The following PTPRQ variants were observed in gnomAD, a reference collection of about 807,000 sequenced individuals.
The protein encoded by PTPRQ is protein tyrosine phosphatase receptor type Q, also known as phosphatidylinositol phosphatase PTPRQ.
A neutral mutation model predicts 246.0 loss-of-function variants in PTPRQ; 199 were observed. That is an observed-to-expected ratio of 0.81 (90% CI 0.72 to 0.91). PTPRQ has a LOEUF of 0.91. Among genes scored for constraint, PTPRQ ranks in the 40% least tolerant of loss-of-function variants. PTPRQ has a pLI of 0.00. For synonymous variants in PTPRQ, 869 were observed against 853.2 expected (o/e 1.02, Z -0.32); for missense variants, 2,624 against 2,528.4 (o/e 1.04, Z -0.81).
intron 25 of PTPRQ, among the ~76,000 whole-genome samples, chr12:80,562,927 A>G (rs1207904789): frequency 6.6e-6 from 1 of 152,108 alleles, no homozygotes; most frequent in Non-Finnish European, 1.5e-5. Flanking sequence ...AAGTGCAGAC[A>G]CTGCAGACAT....
chr12:80,449,055 A>G (rs950281364), intron 3 of PTPRQ, among the ~76,000 whole-genome samples: 1 of 151,666 alleles, frequency 6.6e-6, no homozygotes, highest in Non-Finnish European at 1.5e-5. Flanking sequence ...TGACTTTTTA[A>G]TGATTGCCAT....
At chr12:80,530,823 G>GA (rs1565767987) in intron 17 of PTPRQ, among the ~76,000 whole-genome samples, 1 of 152,020 alleles carries the variant, frequency 6.6e-6, no homozygotes, top group Admixed American at 6.6e-5. Context: ...CTTAAAATTT[G>GA]ATACAGTAAT....
chr12:80,585,200 C>T (rs932311351), intron 25 of PTPRQ, among the ~76,000 whole-genome samples: 1 of 151,968 alleles, frequency 6.6e-6, no homozygotes, highest in Non-Finnish European at 1.5e-5. Context: ...CCAAAGCTTA[C>T]CCCTCTTACG....
chr12:80,620,057 A>G (rs1333555810), intron 31 of PTPRQ, 97 bp from the exon 32 acceptor site: 2 of 1,385,532 alleles, frequency 1.4e-6, no homozygotes, highest in Non-Finnish European at 1.9e-6. Flanking sequence ...TGTTGCATCG[A>G]GAGTCCCCTT....
At position 80,642,919 on chromosome 12, in the gene PTPRQ, TAAAAAAAAAAAAA is replaced by T. The variant is rs902888826; in HGVS notation, c.5916-5963_5916-5951del. ...TGGGCGACAGAGCGAGACTCCGTCT[TAAAAAAAAAAAAA>T]AAAAAAAAAAAAAACAATTGAGTAT... is the stretch of plus-strand genomic sequence containing the variant. On this transcript the variant is annotated intron_variant, in intron 35 of 44. Transcript: ENST00000644991. Among the ~76,000 whole-genome samples the T allele has an allele frequency of 1.0e-4, 8 of 77,246 alleles. No homozygotes were observed. In the South Asian group the frequency reaches 3.7e-3, roughly 36 times the overall value. The allele number at this position is 77,246 out of a possible 152,430, so 50.7% of individuals were successfully genotyped here. A position where few individuals can be genotyped will look rare whatever the true frequency, so the allele number is the denominator to read the frequency against.
intron 29 of PTPRQ, 117 bp from the exon 30 acceptor site, chr12:80,616,079 TTATA>T (rs3994957): frequency 1.7e-4 from 80 of 474,966 alleles, no homozygotes; most frequent in Middle Eastern, 8.7e-4. Context: ...ATAATCAGTT[TTATA>T]TATATATATA....
chr12:80,624,892 G>A (rs578041896), intron 33 of PTPRQ, among the ~76,000 whole-genome samples: 1 of 152,124 alleles, frequency 6.6e-6, no homozygotes, highest in South Asian at 2.1e-4. Context: ...AATAGCCGAT[G>A]AACCAAAAAA....
chr12:80,627,820 G>T (rs1899263640), intron 33 of PTPRQ, among the ~76,000 whole-genome samples: 1 of 152,076 alleles, frequency 6.6e-6, no homozygotes, highest in South Asian at 2.1e-4. Context: ...TTGGAGAAGT[G>T]ACATCATTCT....
chr12:80,624,963 C>T (rs1333584549), intron 33 of PTPRQ, among the ~76,000 whole-genome samples: 3 of 152,116 alleles, frequency 2.0e-5, no homozygotes, highest in Non-Finnish European at 4.4e-5. Context: ...GGCCCACGTC[C>T]AAAGTTGTCC....
At position 80,445,478 on chromosome 12, in the gene PTPRQ, T is replaced by A; in HGVS notation, c.164-13T>A. On this transcript the variant is annotated splice_polypyrimidine_tract_variant and intron_variant, in intron 2 of 44. Transcript: ENST00000644991. ...TATTTGACCTTTTAACAAAATGGATTTTTTAAAAATAGAACCAGGGCCTCC... is the reference window on the plus strand; with the variant it reads ...TATTTGACCTTTTAACAAAATGGATATTTTAAAAATAGAACCAGGGCCTCC... 1 of 1,474,984 alleles carries A rather than the reference T, an allele frequency of 6.8e-7. No homozygotes were observed. The highest frequency in any genetic ancestry group is 9.1e-7 in the Non-Finnish European group (1 of 1,103,660). 91.4% of individuals were successfully genotyped at this position (1,474,984 alleles called of 1,614,324 possible). A position where few individuals can be genotyped will look rare whatever the true frequency, so the allele number is the denominator to read the frequency against.
At chr12:80,672,445 C>T (rs1255758782) in intron 42 of PTPRQ, among the ~76,000 whole-genome samples, 3 of 151,642 alleles carry the variant, frequency 2.0e-5, no homozygotes, top group Non-Finnish European at 4.4e-5. Flanking sequence ...TCATGTGGTT[C>T]AAAGTAATAT....
At chr12:80,625,010 A>G (rs1899144589) in intron 33 of PTPRQ, among the ~76,000 whole-genome samples, 1 of 152,170 alleles carries the variant, frequency 6.6e-6, no homozygotes, top group Non-Finnish European at 1.5e-5. Context: ...GAGTTGGACA[A>G]GCTCGCCACA....
chr12:80,511,920 C>T (rs972527008), intron 17 of PTPRQ, among the ~76,000 whole-genome samples: 8 of 152,158 alleles, frequency 5.3e-5, no homozygotes, highest in African/African-American at 1.7e-4. Context: ...TAATTTAAAT[C>T]ACTTTAGATT....
chr12:80,590,666 C>CA (rs35640802), intron 26 of PTPRQ, among the ~76,000 whole-genome samples: 5,047 of 56,954 alleles, frequency 0.089, 383 homozygotes, highest in African/African-American at 0.18. Context: ...GACTCCGTCT[C>CA]AAAAAAAAAA....
intron 23 of PTPRQ, among the ~76,000 whole-genome samples, chr12:80,543,606 G>C (rs1443876887): frequency 6.6e-6 from 1 of 152,048 alleles, no homozygotes; most frequent in African/African-American, 2.4e-5. Context: ...CAAAAAATCT[G>C]CAGTAAATAT....
chr12:80,642,943 AAAAC>A (rs1214197914), intron 35 of PTPRQ, among the ~76,000 whole-genome samples: 1 of 148,676 alleles, frequency 6.7e-6, no homozygotes, highest in African/African-American at 2.6e-5. Flanking sequence ...AAAAAAAAAA[AAAAC>A]AATTGAGTAT....
chr12:80,669,176 T>G (rs764279499), intron 40 of PTPRQ, 35 bp downstream of exon 40: 41 of 1,540,626 alleles, frequency 2.7e-5, no homozygotes, highest in Non-Finnish European at 3.5e-5. Flanking sequence ...AAATGTTGTT[T>G]TACGATTGTG....
intron 25 of PTPRQ, among the ~76,000 whole-genome samples, chr12:80,556,212 A>G (rs1424159281): frequency 6.6e-6 from 1 of 152,128 alleles, no homozygotes; most frequent in African/African-American, 2.4e-5. Context: ...TATTTTTAGT[A>G]GACATGGGGT....
chr12:80,463,054 C>T (rs575679846), intron 6 of PTPRQ, among the ~76,000 whole-genome samples: 50 of 152,092 alleles, frequency 3.3e-4, no homozygotes, highest in East Asian at 1.9e-3. Flanking sequence ...AGGCTTCGGA[C>T]GATCAAACTA....
Sources: allele counts gnomAD v4.1 joint callset (sites outside exome capture counted in the v4.1 genomes callset), GRCh38; gene constraint gnomAD v4.1.1; transcripts MANE v1.5; gene names NCBI Gene and HGNC (gene_info 2026-07-23, HGNC 2026-07-21).